Variants in NCKAP5 observed in about 807,000 individuals in gnomAD.
The protein encoded by NCKAP5 is NCK associated protein 5.
In NCKAP5, 92 loss-of-function variants were observed where a neutral mutation model predicts 167.0. The observed-to-expected ratio is 0.55, with a 90% CI of 0.47 to 0.66. The LOEUF is 0.66. Ranked by LOEUF, NCKAP5 falls within the 30% of genes least tolerant of loss-of-function variation. NCKAP5 has a pLI of 0.00. For missense variants in NCKAP5, 2,378 were observed against 2,315.0 expected (o/e 1.03, Z -0.56); for synonymous variants, 891 against 877.4 (o/e 1.02, Z -0.27).
At chr2:133,466,705 C>A (rs1692621375) in intron 3 of NCKAP5, among the ~76,000 whole-genome samples, 1 of 152,176 alleles carries the variant, frequency 6.6e-6, no homozygotes, top group African/African-American at 2.4e-5. Context: ...GTTTGTAATT[C>A]TCCTGGAAGA....
At chr2:133,350,596 C>T (rs1574771159) in intron 3 of NCKAP5, among the ~76,000 whole-genome samples, 1 of 152,194 alleles carries the variant, frequency 6.6e-6, no homozygotes, top group South Asian at 2.1e-4. Context: ...TGTTTCCCAC[C>T]CGCTGTCCCA....
At chr2:133,587,652 T>C in the NCKAP5 span, among the ~76,000 whole-genome samples, 2 of 152,186 alleles carry the variant, frequency 1.3e-5, no homozygotes, top group Non-Finnish European at 2.9e-5. Context: ...CTAACCAAAG[T>C]TCCTGCACAA....
At chr2:133,182,942 G>A (rs1024443180) in intron 5 of NCKAP5, among the ~76,000 whole-genome samples, 9 of 152,082 alleles carry the variant, frequency 5.9e-5, no homozygotes, top group African/African-American at 2.2e-4. Flanking sequence ...TACAGACACA[G>A]CAGATATCAA....
intron 3 of NCKAP5, among the ~76,000 whole-genome samples, chr2:133,330,902 AAAG>A (rs1682809310): frequency 6.6e-6 from 1 of 152,192 alleles, no homozygotes; most frequent in African/African-American, 2.4e-5. Context: ...GTATTAAAAA[AAAG>A]AAGAAAGTAT....
intron 5 of NCKAP5, among the ~76,000 whole-genome samples, chr2:133,156,927 T>C (rs1321729589): frequency 6.6e-6 from 1 of 152,122 alleles, no homozygotes; most frequent in Non-Finnish European, 1.5e-5. Context: ...TACCATTCCC[T>C]CATATGAACT....
At chr2:132,794,221 T>TAC (rs1373960451) in intron 12 of NCKAP5, among the ~76,000 whole-genome samples, 163 of 72,280 alleles carry the variant, frequency 2.3e-3, no homozygotes, top group African/African-American at 8.7e-3. Flanking sequence ...AAAATGTTTA[T>TAC]ACATATATAT....
chr2:132,990,648 C>G (rs751065872), intron 7 of NCKAP5, among the ~76,000 whole-genome samples: 1 of 152,044 alleles, frequency 6.6e-6, no homozygotes, highest in Non-Finnish European at 1.5e-5. Context: ...CTAGAGAGGA[C>G]AATGAGATGT....
At chr2:132,725,513 C>A in intron 19 of NCKAP5, 114 bp downstream of exon 19, 1 of 1,279,066 alleles carries the variant, frequency 7.8e-7, no homozygotes, top group Non-Finnish European at 1.1e-6. Flanking sequence ...TCAGGAGAGA[C>A]ATGAAGAAAA....
At chr2:133,220,262 A>T (rs1248341115) in intron 4 of NCKAP5, among the ~76,000 whole-genome samples, 2 of 152,216 alleles carry the variant, frequency 1.3e-5, no homozygotes, top group African/African-American at 4.8e-5. Context: ...TGATTGCCAA[A>T]CAAATGCACA....
rs1414322979 is a variant in NCKAP5, at chr2:132,963,866, T to C, written c.433A>G (p.Lys145Glu). 2.5e-6 allele frequency: 4 copies of C among 1,613,476 alleles called. No homozygotes were observed. The highest frequency in any genetic ancestry group is 1.7e-5 in the Admixed American group (1 of 59,978). ...ETVNIMVYQEKLSEEERKHKE... is the reference protein window; with the variant it reads ...ETVNIMVYQEELSEEERKHKE... The stretch of plus-strand genomic sequence containing the variant: ...TGTTTTCTCTCTTCCTCTGACAGCT[T>C]TTCCTGAAGCAAGAAAGAATTACTG... The change falls in exon 8 of 20, where the codon AAG becomes GAG. Residue 145 changes from lysine (K) to glutamate (E), a missense_variant. Physicochemically the swap from Lys to Glu is moderately conservative, Grantham distance 56 (BLOSUM62 1). This residue lies in a region of NCKAP5 where 1,049 missense variants were observed against 1,023.4 expected (regional missense o/e 1.02). Coordinates refer to ENST00000409261, the MANE Select transcript of NCKAP5 (RefSeq NM_207363.3).
chr2:132,675,161 G>A (rs1287605601), intron 19 of NCKAP5, among the ~76,000 whole-genome samples: 1 of 152,202 alleles, frequency 6.6e-6, no homozygotes, highest in Non-Finnish European at 1.5e-5. Context: ...AGAAGCTACT[G>A]CAAGGCAGGC....
chr2:133,153,835 T>TTTC (rs1371119425), intron 5 of NCKAP5, among the ~76,000 whole-genome samples: 1 of 137,736 alleles, frequency 7.3e-6, no homozygotes, highest in East Asian at 2.0e-4. Context: ...TCCTCCTTCT[T>TTTC]TTTTTTTTTT....
At chr2:133,396,681 C>T (rs1268143084) in intron 3 of NCKAP5, among the ~76,000 whole-genome samples, 1 of 150,684 alleles carries the variant, frequency 6.6e-6, no homozygotes, top group Non-Finnish European at 1.5e-5. Flanking sequence ...ACACTAATGA[C>T]ACCTCATTTC....
chr2:133,645,211 T>C, the NCKAP5 span, among the ~76,000 whole-genome samples: 1 of 152,144 alleles, frequency 6.6e-6, no homozygotes, highest in Admixed American at 6.5e-5. Flanking sequence ...CTAAAAAGAA[T>C]ACAAAATGCT....
intron 3 of NCKAP5, among the ~76,000 whole-genome samples, chr2:133,502,830 T>C (rs1682648200): frequency 6.6e-6 from 1 of 152,212 alleles, no homozygotes; most frequent in South Asian, 2.1e-4. Flanking sequence ...GTGTGATGAA[T>C]GAAAGAATGA....
intron 5 of NCKAP5, among the ~76,000 whole-genome samples, chr2:133,176,494 G>A (rs796256367): frequency 4.6e-5 from 7 of 151,886 alleles, no homozygotes; most frequent in Admixed American, 1.3e-4. Context: ...TAAGGTTTAC[G>A]CTCACATACA....
At chr2:133,202,234 C>T (rs989446028) in intron 5 of NCKAP5, among the ~76,000 whole-genome samples, 2 of 152,088 alleles carry the variant, frequency 1.3e-5, no homozygotes, top group African/African-American at 4.8e-5. Context: ...TAATACCACA[C>T]ATCTACAACT....
intron 3 of NCKAP5, among the ~76,000 whole-genome samples, chr2:133,454,090 C>T (rs1246701605): frequency 2.0e-5 from 3 of 151,776 alleles, no homozygotes; most frequent in Non-Finnish European, 4.4e-5. Context: ...CGGCTAAAAA[C>T]AAACAAACTG....
intron 3 of NCKAP5, among the ~76,000 whole-genome samples, chr2:133,473,735 A>G (rs1163535445): frequency 2.0e-5 from 3 of 152,192 alleles, no homozygotes; most frequent in Non-Finnish European, 2.9e-5. Context: ...CTGCTTTCAA[A>G]ATTACCCCTC....
Sources: allele counts gnomAD v4.1 joint callset (sites outside exome capture counted in the v4.1 genomes callset), GRCh38; gene constraint gnomAD v4.1.1; regional missense constraint gnomAD v4.1.1; transcripts MANE v1.5; gene names NCBI Gene and HGNC (gene_info 2026-07-23, HGNC 2026-07-21).